Variants in CAMK1G observed in about 807,000 individuals in gnomAD.
CAMK1G encodes calcium/calmodulin-dependent protein kinase type 1G.
In CAMK1G, 27 loss-of-function variants were observed where a neutral mutation model predicts 54.8. The ratio of observed to expected loss-of-function variants is 0.49; its 90% confidence interval spans 0.36 to 0.68. The LOEUF is 0.68. Ranked by LOEUF, CAMK1G falls within the 30% of genes least tolerant of loss-of-function variation. The pLI, the probability that CAMK1G is intolerant of heterozygous loss-of-function variation, is 0.00. For synonymous variants in CAMK1G, 238 were observed against 224.9 expected (o/e 1.06, Z -0.52); for missense variants, 512 against 591.0 (o/e 0.87, Z 1.39).
Position 209,609,100 on chromosome 1 carries a change from C to T in CAMK1G, c.748+8C>T, listed in dbSNP as rs373764707. The stretch of plus-strand genomic sequence containing the variant: ...ATGACATTTCTGAGTCAGGTAAGGC[C>T]AGTAGGCATGAAGGAGAGATAACAG... On this transcript the variant is annotated splice_region_variant and intron_variant, in intron 8 of 12. Transcript: ENST00000361322. The T allele has an allele frequency of 2.2e-5, 36 of 1,613,876 alleles. No homozygotes were observed. In the African/African-American group the frequency reaches 4.7e-4, roughly 21 times the overall value.
chr1:209,588,003 G>A (rs1665144423), intron 1 of CAMK1G, among the ~76,000 whole-genome samples: 1 of 152,200 alleles, frequency 6.6e-6, no homozygotes, highest in Admixed American at 6.5e-5. Context: ...CCCGGAAGCA[G>A]AGACTATAAA....
At chr1:209,612,265 A>G (rs769040517) in intron 11 of CAMK1G, 49 bp downstream of exon 11, 1 of 1,589,764 alleles carries the variant, frequency 6.3e-7, no homozygotes, top group Non-Finnish European at 8.6e-7. Context: ...TCTGAAAGAA[A>G]TCGGTCAACA....
intron 9 of CAMK1G, among the ~76,000 whole-genome samples, 199 bp from the exon 10 acceptor site, chr1:209,611,266 T>C (rs1665774127): frequency 6.6e-6 from 1 of 152,246 alleles, no homozygotes; most frequent in Non-Finnish European, 1.5e-5. Flanking sequence ...TAAAAGTTTT[T>C]GATTTTGCCA....
chr1:209,601,754 A>G (rs1419717447), intron 3 of CAMK1G, among the ~76,000 whole-genome samples: 1 of 152,254 alleles, frequency 6.6e-6, no homozygotes, highest in East Asian at 1.9e-4. Context: ...AAAATATCGT[A>G]AAGAAGATAG....
rs939040195 is a variant in CAMK1G, at chr1:209,613,854, C to T, written c.*852C>T. On this transcript the variant is annotated 3_prime_UTR_variant, in exon 13 of 13. Coordinates refer to ENST00000361322, the MANE Select transcript of CAMK1G (RefSeq NM_020439.3). Reference sequence around the variant, plus strand: ...CTCCTTGAAAGTCCAGCACACCATTCTTGTCCTTCCCCAGTTTCCTCGCCC... The same window carrying T: ...CTCCTTGAAAGTCCAGCACACCATTTTTGTCCTTCCCCAGTTTCCTCGCCC... 1 of 152,372 alleles carries T rather than the reference C, an allele frequency of 6.6e-6. No individual in the cohort carries two copies. Among genetic ancestry groups the T allele is most frequent in the Non-Finnish European group, 1.5e-5 (1 of 68,104 alleles). 9.4% of individuals were successfully genotyped at this position (152,372 alleles called of 1,614,324 possible). A position where few individuals can be genotyped will look rare whatever the true frequency, so the allele number is the denominator to read the frequency against.
intron 1 of CAMK1G, among the ~76,000 whole-genome samples, chr1:209,589,297 G>A (rs558297736): frequency 1.1e-3 from 173 of 152,254 alleles, no homozygotes; most frequent in Middle Eastern, 3.4e-3. Context: ...AACCAGACAC[G>A]GATCCCATCC....
intron 9 of CAMK1G, among the ~76,000 whole-genome samples, chr1:209,610,228 A>G (rs914111474): frequency 6.6e-6 from 1 of 152,168 alleles, no homozygotes; most frequent in Non-Finnish European, 1.5e-5. Flanking sequence ...GTTATTCAAG[A>G]AGTGCCAGGA....
intron 6 of CAMK1G, among the ~76,000 whole-genome samples, chr1:209,607,232 C>A (rs1665672359): frequency 1.3e-5 from 2 of 152,120 alleles, no homozygotes; most frequent in Non-Finnish European, 2.9e-5. Context: ...CTGGTAGCTG[C>A]AAGAAATACA....
intron 8 of CAMK1G, 90 bp downstream of exon 8, chr1:209,609,182 T>C: frequency 6.7e-7 from 1 of 1,496,836 alleles, no homozygotes; most frequent in South Asian, 1.2e-5. Context: ...CAGTCCCGGC[T>C]CTTCAAAGTC....
At chr1:209,610,686 A>G (rs941129695) in intron 9 of CAMK1G, among the ~76,000 whole-genome samples, 11 of 151,898 alleles carry the variant, frequency 7.2e-5, no homozygotes, top group African/African-American at 2.4e-4. Context: ...GAAGCCCCTG[A>G]CCCCTGCAGC....
chr1:209,595,320 G>A (rs893606939), intron 2 of CAMK1G, among the ~76,000 whole-genome samples: 1 of 152,170 alleles, frequency 6.6e-6, no homozygotes, highest in African/African-American at 2.4e-5. Flanking sequence ...TACACGGGAG[G>A]CTGAGGCAGG....
At chr1:209,606,503 A>T in intron 6 of CAMK1G, 60 bp downstream of exon 6, 1 of 1,573,760 alleles carries the variant, frequency 6.4e-7, no homozygotes, top group Non-Finnish European at 8.7e-7. Flanking sequence ...CATGCCTATC[A>T]TTCATAGAAA....
intron 2 of CAMK1G, among the ~76,000 whole-genome samples, chr1:209,598,247 T>C (rs1448706217): frequency 6.6e-6 from 1 of 152,236 alleles, no homozygotes; most frequent in African/African-American, 2.4e-5. Context: ...CCTCAGAGAC[T>C]GCTAGGTTCT....
At chr1:209,599,144 T>C (rs1328454787) in intron 2 of CAMK1G, among the ~76,000 whole-genome samples, 1 of 152,132 alleles carries the variant, frequency 6.6e-6, no homozygotes, top group African/African-American at 2.4e-5. Context: ...TCAGATCCCG[T>C]GAGAACTCAC....
At chr1:209,606,245 A>G (rs1309916157) in intron 5 of CAMK1G, 75 bp from the exon 6 acceptor site, 1 of 1,567,278 alleles carries the variant, frequency 6.4e-7, no homozygotes, top group Non-Finnish European at 8.7e-7. Flanking sequence ...CTTCCTGTGA[A>G]ATTTTGTATC....
At chr1:209,609,253 G>A (rs1290969650) in intron 8 of CAMK1G, among the ~76,000 whole-genome samples, 161 bp downstream of exon 8, 1 of 152,182 alleles carries the variant, frequency 6.6e-6, no homozygotes, top group Non-Finnish European at 1.5e-5. Context: ...CTGCTTCAAA[G>A]ACCCGATAAA....
chr1:209,601,432 C>T (rs756936900), intron 3 of CAMK1G, among the ~76,000 whole-genome samples: 2 of 152,114 alleles, frequency 1.3e-5, no homozygotes, highest in Admixed American at 6.5e-5. Flanking sequence ...GATATGTAGG[C>T]TTGGATGAAA....
chr1:209,589,462 G>C (rs1253807852), intron 1 of CAMK1G, among the ~76,000 whole-genome samples: 5 of 152,128 alleles, frequency 3.3e-5, no homozygotes, highest in Non-Finnish European at 5.9e-5. Flanking sequence ...CCCTTCCCAG[G>C]GCTCAGGTCT....
chr1:209,605,397 C>G, intron 4 of CAMK1G, 139 bp from the exon 5 acceptor site: 2 of 961,864 alleles, frequency 2.1e-6, no homozygotes, highest in Non-Finnish European at 1.5e-6. Flanking sequence ...GAGTAGTCTG[C>G]TGGCAGCCCT....
Sources: allele counts gnomAD v4.1 joint callset (sites outside exome capture counted in the v4.1 genomes callset), GRCh38; gene constraint gnomAD v4.1.1; transcripts MANE v1.5; gene names NCBI Gene and HGNC (gene_info 2026-07-23, HGNC 2026-07-21).